The following REV3L variants were observed in gnomAD, a reference collection of about 807,000 sequenced individuals.
REV3L encodes the protein DNA polymerase zeta catalytic subunit.
A neutral mutation model predicts 299.4 loss-of-function variants in REV3L; 69 were observed. That is an observed-to-expected ratio of 0.23 (90% CI 0.19 to 0.28). The LOEUF (loss-of-function observed/expected upper bound fraction) is 0.28. REV3L is among the 10% of genes least tolerant of loss of function. REV3L has a pLI of 1.00. For missense variants in REV3L, 3,128 were observed against 3,693.8 expected (o/e 0.85, Z 3.97); for synonymous variants, 1,238 against 1,271.4 (o/e 0.97, Z 0.56).
chr6:111,457,848 A>G (rs1381359378), intron 1 of REV3L, among the ~76,000 whole-genome samples: 2 of 151,944 alleles, frequency 1.3e-5, no homozygotes, highest in Non-Finnish European at 2.9e-5. Context: ...GAGAACCAAA[A>G]AACTCAGAGA....
At chr6:111,468,446 G>A (rs563788139) in intron 1 of REV3L, among the ~76,000 whole-genome samples, 1 of 152,234 alleles carries the variant, frequency 6.6e-6, no homozygotes, top group African/African-American at 2.4e-5. Flanking sequence ...AAGACCAAGA[G>A]TCTCAACAGG....
At chr6:111,313,021 A>T in intron 28 of REV3L, 1 of 184,530 alleles carries the variant, frequency 5.4e-6, no homozygotes, top group Non-Finnish European at 1.1e-5. Context: ...AAATCAAATA[A>T]ATTGTTTTTA....
At chr6:111,458,272 G>C (rs1790374637) in intron 1 of REV3L, among the ~76,000 whole-genome samples, 1 of 151,844 alleles carries the variant, frequency 6.6e-6, no homozygotes, top group African/African-American at 2.4e-5. Context: ...CAATAAACTA[G>C]GTATCAAAGG....
At chr6:111,422,617 TA>T (rs1785575302) in intron 1 of REV3L, among the ~76,000 whole-genome samples, 3 of 20,216 alleles carry the variant, frequency 1.5e-4, no homozygotes, top group South Asian at 2.1e-3. Context: ...TATATACACA[TA>T]TATATATATA....
intron 31 of REV3L, among the ~76,000 whole-genome samples, chr6:111,300,418 T>A (rs1425635085): frequency 2.0e-5 from 3 of 152,232 alleles, no homozygotes; most frequent in Non-Finnish European, 4.4e-5. Context: ...TCATTTACAA[T>A]GGAATCCTAT....
intron 1 of REV3L, chr6:111,430,678 C>A: frequency 2.0e-6 from 3 of 1,521,892 alleles, no homozygotes; most frequent in Non-Finnish European, 2.7e-6. Flanking sequence ...CCAAAGCACA[C>A]GCCTTCAAGA....
intron 4 of REV3L, 62 bp downstream of exon 4, chr6:111,405,408 A>G (rs3218575): frequency 3.3e-6 from 4 of 1,212,468 alleles, no homozygotes; most frequent in East Asian, 2.4e-5. Context: ...CACTGACTAT[A>G]TAACACTTGT....
Position 111,300,252 on chromosome 6 carries a change from C to G in REV3L, c.9253-96G>C, listed in dbSNP as rs537964603. ...ATAATCCCTACTTTCTAGACTACCA[C>G]AGATTACTGGCAGACATACATTACA... On this transcript the variant is annotated intron_variant, in intron 31 of 31. Transcript: ENST00000368802. 1.3e-5 allele frequency: 12 copies of G among 931,216 alleles called. No individual in the cohort carries two copies. In the East Asian group the frequency reaches 3.1e-4, roughly 24 times the overall value. 57.7% of individuals were successfully genotyped at this position (931,216 alleles called of 1,614,324 possible). A position where few individuals can be genotyped will look rare whatever the true frequency, so the allele number is the denominator to read the frequency against.
At chr6:111,433,415 T>C (rs1029192740) in intron 1 of REV3L, among the ~76,000 whole-genome samples, 1 of 151,976 alleles carries the variant, frequency 6.6e-6, no homozygotes, top group South Asian at 2.1e-4. Flanking sequence ...GGCTAATATA[T>C]GAGAGACTGT....
In REV3L at chr6:111,376,320, T is replaced by C; in HGVS notation, c.2035A>G (p.Thr679Ala). ...TCCTTTTCGATTTTTCTAATGTTTG[T>C]ATATTTTCTACTTGGTACTTGTCTT... ...VTRQVPSRKY[T>A]NIRKIEKDSP... is the part of the protein sequence containing the mutation. The change falls in exon 13 of 32, where the codon ACA becomes GCA. Residue 679 changes from threonine to alanine, a missense_variant. Thr to Ala is a moderately conservative substitution (Grantham distance 58). Coordinates refer to ENST00000368802, the MANE Select transcript of REV3L (RefSeq NM_001372078.1). The C allele has an allele frequency of 1.2e-6, 2 of 1,613,430 alleles. No individual in the cohort carries two copies. Among genetic ancestry groups the C allele is most frequent in the South Asian group, 1.1e-5 (1 of 90,924 alleles).
chr6:111,454,035 C>T (rs1789869622), intron 1 of REV3L, among the ~76,000 whole-genome samples: 1 of 151,800 alleles, frequency 6.6e-6, no homozygotes, highest in Non-Finnish European at 1.5e-5. Flanking sequence ...ATGTTTCCTC[C>T]CTTACTTTAT....
intron 1 of REV3L, among the ~76,000 whole-genome samples, chr6:111,418,543 G>A (rs1186029657): frequency 1.3e-5 from 2 of 152,188 alleles, no homozygotes; most frequent in African/African-American, 2.4e-5. Flanking sequence ...GCAGGTAATA[G>A]GGTAAGTGCT....
intron 1 of REV3L, among the ~76,000 whole-genome samples, chr6:111,448,003 T>C (rs895077911): frequency 6.6e-6 from 1 of 152,232 alleles, no homozygotes; most frequent in African/African-American, 2.4e-5. Context: ...TTTACTTTAA[T>C]TGTATTATGA....
chr6:111,434,060 T>G (rs1787247610), intron 1 of REV3L, among the ~76,000 whole-genome samples: 1 of 152,070 alleles, frequency 6.6e-6, no homozygotes, highest in South Asian at 2.1e-4. Context: ...AAAGAATATA[T>G]ATTACAAACC....
chr6:111,381,488 A>C, intron 9 of REV3L, 44 bp from the exon 10 acceptor site: 1 of 1,531,860 alleles, frequency 6.5e-7, no homozygotes, highest in Non-Finnish European at 8.8e-7. Flanking sequence ...AATGGCCTAA[A>C]TCCAAAATTT....
intron 1 of REV3L, among the ~76,000 whole-genome samples, chr6:111,445,948 C>T (rs2128312065): frequency 6.6e-6 from 1 of 152,184 alleles, no homozygotes; most frequent in African/African-American, 2.4e-5. Context: ...ATATAAGATT[C>T]ATGGTAAAGA....
intron 1 of REV3L, among the ~76,000 whole-genome samples, chr6:111,468,886 G>A (rs1285927728): frequency 3.3e-5 from 5 of 152,170 alleles, no homozygotes; most frequent in South Asian, 4.1e-4. Context: ...CTGGTCGGGC[G>A]TAGTGGCTCA....
chr6:111,300,724 C>T (rs1186257633), intron 31 of REV3L, among the ~76,000 whole-genome samples: 1 of 152,178 alleles, frequency 6.6e-6, no homozygotes, highest in South Asian at 2.1e-4. Flanking sequence ...ATCACTTCCC[C>T]AATCAATACT....
At chr6:111,327,651 T>C (rs1056478739) in intron 25 of REV3L, among the ~76,000 whole-genome samples, 1 of 151,996 alleles carries the variant, frequency 6.6e-6, no homozygotes, top group African/African-American at 2.4e-5. Flanking sequence ...GGTTTTCAAA[T>C]GTATTAATAT....
Sources: allele counts gnomAD v4.1 joint callset (sites outside exome capture counted in the v4.1 genomes callset), GRCh38; gene constraint gnomAD v4.1.1; transcripts MANE v1.5; gene names NCBI Gene and HGNC (gene_info 2026-07-23, HGNC 2026-07-21).